The following SH3RF3 variants were observed in gnomAD, a reference collection of about 807,000 sequenced individuals.
SH3RF3 encodes the protein E3 ubiquitin-protein ligase SH3RF3.
A neutral mutation model predicts 66.3 loss-of-function variants in SH3RF3; 29 were observed. The ratio of observed to expected loss-of-function variants is 0.44; its 90% CI spans 0.33 to 0.60. SH3RF3 has a LOEUF of 0.60. SH3RF3 is among the 20% of genes least tolerant of loss of function. The pLI is 0.04. For synonymous variants in SH3RF3, 583 were observed against 532.0 expected (o/e 1.10, Z -1.32); for missense variants, 1,194 against 1,190.9 (o/e 1.00, Z -0.04).
chr2:109,153,277 G>T (rs968099345), intron 1 of SH3RF3, among the ~76,000 whole-genome samples: 4 of 152,178 alleles, frequency 2.6e-5, no homozygotes, highest in African/African-American at 9.7e-5. Flanking sequence ...GAATGTAGGT[G>T]TTTAAGCTGT....
At chr2:109,498,313 G>A (rs1679305033) in intron 9 of SH3RF3, among the ~76,000 whole-genome samples, 1 of 152,166 alleles carries the variant, frequency 6.6e-6, no homozygotes, top group South Asian at 2.1e-4. Context: ...TGCTTCCCCA[G>A]GAGTAGGAAC....
At chr2:109,326,073 T>C (rs1682147853) in intron 1 of SH3RF3, among the ~76,000 whole-genome samples, 1 of 152,242 alleles carries the variant, frequency 6.6e-6, no homozygotes, top group African/African-American at 2.4e-5. Context: ...CCTGGGCGTA[T>C]GCCACATTTT....
chr2:109,157,189 A>G (rs1677367067), intron 1 of SH3RF3, among the ~76,000 whole-genome samples: 1 of 152,096 alleles, frequency 6.6e-6, no homozygotes, highest in Admixed American at 6.5e-5. Context: ...GGATCATAGT[A>G]TTGACTGGGG....
intron 1 of SH3RF3, among the ~76,000 whole-genome samples, chr2:109,149,049 C>G (rs772059427): frequency 9.2e-5 from 14 of 152,186 alleles, no homozygotes; most frequent in Admixed American, 3.9e-4. Flanking sequence ...TTCATTTGCT[C>G]TTTCCTTCCT....
intron 1 of SH3RF3, among the ~76,000 whole-genome samples, chr2:109,339,745 G>A (rs1053042425): frequency 2.0e-5 from 3 of 152,168 alleles, no homozygotes; most frequent in African/African-American, 7.2e-5. Flanking sequence ...GCAAATACCA[G>A]CTCACAGCAT....
rs559545815 is a variant in SH3RF3, at chr2:109,130,444, C to T, written c.573+331C>T. 5.9e-5 allele frequency among the ~76,000 whole-genome samples: 9 copies of T among 152,324 alleles called. No individual in the cohort carries two copies. In the South Asian group the frequency reaches 8.3e-4, roughly 14 times the overall value. On this transcript the variant is annotated intron_variant, in intron 1 of 9. Transcript: ENST00000309415. Reference sequence around the variant, plus strand: ...TCTCCCTAGAAACGGGGACCTTCTTCCTCTGGGTCCCCAGACACTCCCTCT... The same window carrying T: ...TCTCCCTAGAAACGGGGACCTTCTTTCTCTGGGTCCCCAGACACTCCCTCT...
At chr2:109,279,045 A>T (rs1277222883) in intron 1 of SH3RF3, among the ~76,000 whole-genome samples, 2 of 152,122 alleles carry the variant, frequency 1.3e-5, no homozygotes, top group Non-Finnish European at 2.9e-5. Flanking sequence ...TTCCAGGGTG[A>T]TGGGGGAGCA....
chr2:109,375,608 G>C lies in SH3RF3; in HGVS notation c.945+3927G>C, dbSNP rs534089965. 2.6e-5 allele frequency among the ~76,000 whole-genome samples: 4 copies of C among 152,368 alleles called. No homozygotes were observed. In the East Asian group the frequency reaches 7.7e-4, roughly 29 times the overall value. On this transcript the variant is annotated intron_variant, in intron 3 of 9. Transcript: ENST00000309415. ...TTCTAAGGGGAGTGAGGATGAGCCA[G>C]TCTGAGGAATTCCTCCTCCCCAGTG...
At chr2:109,488,127 C>T (rs1029066536) in intron 8 of SH3RF3, among the ~76,000 whole-genome samples, 1 of 152,202 alleles carries the variant, frequency 6.6e-6, no homozygotes, top group African/African-American at 2.4e-5. Context: ...TCCGCCGGGA[C>T]ACCTGGGGCA....
intron 1 of SH3RF3, among the ~76,000 whole-genome samples, chr2:109,187,837 A>G (rs1041707518): frequency 6.6e-6 from 1 of 152,150 alleles, no homozygotes; most frequent in African/African-American, 2.4e-5. Flanking sequence ...CCAGGACCCC[A>G]TTCTCAGCTT....
At chr2:109,432,475 A>G (rs1447155293) in intron 5 of SH3RF3, 26 bp from the exon 6 acceptor site, 1 of 1,611,556 alleles carries the variant, frequency 6.2e-7, no homozygotes, top group African/African-American at 1.3e-5. Flanking sequence ...GCTCCCACTG[A>G]CACTGGCCCC....
intron 1 of SH3RF3, among the ~76,000 whole-genome samples, chr2:109,155,437 G>C (rs1046502561): frequency 2.6e-5 from 4 of 151,984 alleles, no homozygotes; most frequent in African/African-American, 7.2e-5. Flanking sequence ...CGAGTAGCTG[G>C]GACTACAGGC....
rs191924982 is a variant in SH3RF3, at chr2:109,304,863, A to T, written c.574-42811A>T. On this transcript the variant is annotated intron_variant, in intron 1 of 9. Coordinates refer to ENST00000309415, the MANE Select transcript of SH3RF3 (RefSeq NM_001099289.3). ...TTCAGGGGGAAATGGGAGCTCAGAG[A>T]GCCACCTTAGAAGACATGGGGTGAC... 2.0e-5 allele frequency among the ~76,000 whole-genome samples: 3 copies of T among 152,260 alleles called. No homozygotes were observed. In the East Asian group the frequency reaches 5.8e-4, roughly 29 times the overall value.
At chr2:109,159,850 C>T (rs960717330) in intron 1 of SH3RF3, among the ~76,000 whole-genome samples, 22 of 152,164 alleles carry the variant, frequency 1.4e-4, no homozygotes, top group African/African-American at 5.1e-4. Flanking sequence ...CACTGTCTTC[C>T]GTCACCCTCA....
intron 1 of SH3RF3, among the ~76,000 whole-genome samples, chr2:109,277,120 T>A (rs1408393718): frequency 6.6e-6 from 1 of 152,140 alleles, no homozygotes; most frequent in Non-Finnish European, 1.5e-5. Flanking sequence ...CCCTCAGGAC[T>A]GTAGGAGGGG....
chr2:109,432,465 G>A (rs1003811145), intron 5 of SH3RF3, 36 bp from the exon 6 acceptor site: 1 of 1,609,372 alleles, frequency 6.2e-7, no homozygotes, highest in East Asian at 2.2e-5. Flanking sequence ...CCCCAGGAGG[G>A]CTCCCACTGA....
chr2:109,145,558 T>G (rs962291680), intron 1 of SH3RF3, among the ~76,000 whole-genome samples: 2 of 152,194 alleles, frequency 1.3e-5, no homozygotes, highest in African/African-American at 2.4e-5. Flanking sequence ...CCTCCACCCC[T>G]AGGCTGTCCG....
intron 2 of SH3RF3, among the ~76,000 whole-genome samples, chr2:109,357,343 G>A (rs573313996): frequency 2.6e-5 from 4 of 151,884 alleles, no homozygotes; most frequent in African/African-American, 7.3e-5. Context: ...CACCATGCCC[G>A]GATAATTTTG....
At position 109,501,793 on chromosome 2, in the gene SH3RF3, G is replaced by T. The variant is rs1007470451; in HGVS notation, c.*122G>T. On this transcript the variant is annotated 3_prime_UTR_variant, in exon 10 of 10. Transcript: ENST00000309415. ...GGTCATCTCCAAGGCACCTGGCGGG[G>T]GATACCCTGGCCCAGGGTGGGGGCC... 2 of 620,402 alleles carry T rather than the reference G, an allele frequency of 3.2e-6. No homozygotes were observed. The highest frequency in any genetic ancestry group is 2.6e-5 in the Admixed American group (1 of 38,532). The allele number at this position is 620,402 out of a possible 1,614,324, so 38.4% of individuals were successfully genotyped here. A position where few individuals can be genotyped will look rare whatever the true frequency, so the allele number is the denominator to read the frequency against.
Sources: allele counts gnomAD v4.1 joint callset (sites outside exome capture counted in the v4.1 genomes callset), GRCh38; gene constraint gnomAD v4.1.1; transcripts MANE v1.5; gene names NCBI Gene and HGNC (gene_info 2026-07-23, HGNC 2026-07-21).